The following FGD1 variants were observed in gnomAD, a reference collection of about 807,000 sequenced individuals.
The protein encoded by FGD1 is FYVE, RhoGEF and PH domain-containing protein 1.
A neutral mutation model predicts 65.0 loss-of-function variants in FGD1; 12 were observed. The ratio of observed to expected loss-of-function variants is 0.18; its 90% CI spans 0.12 to 0.30. The LOEUF is 0.30. Ranked by LOEUF, FGD1 falls within the 10% of genes least tolerant of loss-of-function variation. The pLI is 1.00. For missense variants in FGD1, 542 were observed against 837.6 expected, an observed-to-expected ratio of 0.65 and a Z score of 4.36; for synonymous variants, 333 against 343.9, an observed-to-expected ratio of 0.97 and a Z score of 0.35.
At position 54,484,065 on chromosome X, in the gene FGD1, G is replaced by C. The variant is rs780948878; in HGVS notation, c.307+11061C>G. Among the ~76,000 whole-genome samples, 5 of 111,917 alleles carry C rather than the reference G, an allele frequency of 4.5e-5. No homozygotes were observed. The South Asian group carries it at 1.9e-3, about 42-fold the overall frequency. On this transcript the variant is annotated intron_variant, in intron 1 of 17. Coordinates refer to ENST00000375135, the MANE Select transcript of FGD1 (RefSeq NM_004463.3). ...GTGAAACTCCTGAGCACAGGGACAAGGAAGGCCTAGCTCAGGAACATTTCC... is the reference window on the plus strand; with the variant it reads ...GTGAAACTCCTGAGCACAGGGACAACGAAGGCCTAGCTCAGGAACATTTCC...
At chrX:54,485,167 T>G (rs1923242023) in intron 1 of FGD1, among the ~76,000 whole-genome samples, 1 of 111,899 alleles carries the variant, frequency 8.9e-6, no homozygotes, top group South Asian at 3.8e-4. Flanking sequence ...CCTAGTGGAC[T>G]AGGAACCAAA....
At chrX:54,474,508 G>A (rs757373460) in intron 1 of FGD1, among the ~76,000 whole-genome samples, 5 of 112,665 alleles carry the variant, frequency 4.4e-5, no homozygotes, top group East Asian at 5.7e-4. Context: ...CAGGCCGAGC[G>A]CCCCTCCCCA....
intron 1 of FGD1, among the ~76,000 whole-genome samples, chrX:54,494,544 T>C (rs1747145320): frequency 9.2e-6 from 1 of 109,063 alleles, no homozygotes; most frequent in Non-Finnish European, 1.9e-5. Context: ...CCACAGACTT[T>C]GGACACAAAC....
At chrX:54,452,266 CAAAA>C (rs776104292) in intron 12 of FGD1, among the ~76,000 whole-genome samples, 5 of 28,823 alleles carry the variant, frequency 1.7e-4, no homozygotes, top group Non-Finnish European at 2.8e-4. Context: ...GACCCTATCT[CAAAA>C]AAAAAAAAAA....
chrX:54,460,147 A>C (rs1187665765), intron 8 of FGD1, among the ~76,000 whole-genome samples: 1 of 82,540 alleles, frequency 1.2e-5, no homozygotes, highest in Non-Finnish European at 2.1e-5. Flanking sequence ...TAAAAATAAT[A>C]AAAAAAAATA....
chrX:54,482,104 C>T (rs1923154616), intron 1 of FGD1, among the ~76,000 whole-genome samples: 1 of 112,043 alleles, frequency 8.9e-6, no homozygotes, highest in Non-Finnish European at 1.9e-5. Context: ...GTAACACATA[C>T]AGACCCAGAG....
intron 17 of FGD1, among the ~76,000 whole-genome samples, chrX:54,446,721 CTTT>C (rs1226487472): frequency 3.4e-5 from 3 of 87,660 alleles, no homozygotes; most frequent in Non-Finnish European, 2.2e-5. Context: ...TATCTGCATA[CTTT>C]TTTTTTTTTT....
intron 1 of FGD1, among the ~76,000 whole-genome samples, chrX:54,486,530 G>A (rs984325691): frequency 3.6e-5 from 4 of 111,743 alleles, no homozygotes; most frequent in Non-Finnish European, 7.6e-5. Flanking sequence ...ACAGGCATGA[G>A]CCACTGCGCC....
At chrX:54,465,079 G>A (rs1017894686) in intron 8 of FGD1, among the ~76,000 whole-genome samples, 2 of 107,357 alleles carry the variant, frequency 1.9e-5, no homozygotes, top group African/African-American at 3.4e-5. Context: ...TTGGGGTCTC[G>A]ATCTAGGAAA....
Position 54,448,987 on chromosome X carries a change from A to T in FGD1, c.2275-20T>A. 8.3e-7 allele frequency: 1 copy of T among 1,207,745 alleles called. No homozygotes were observed. Among genetic ancestry groups the T allele is most frequent in the Non-Finnish European group, 1.1e-6 (1 of 892,949 alleles). On this transcript the variant is annotated intron_variant, in intron 15 of 17. Transcript: ENST00000375135. ...AACCACCTGGGGTGGCAAGTGGGCA[A>T]GAGTAGCCTGATTCCAGCGGGTCTT...
At position 54,495,420 on chromosome X, in the gene FGD1, G is replaced by C. The variant is rs1425448636; in HGVS notation, c.13C>G (p.Arg5Gly). 7.3e-5 allele frequency: 80 copies of C among 1,089,363 alleles called. No homozygotes were observed. Among genetic ancestry groups the C allele is most frequent in the Non-Finnish European group, 9.1e-5 (77 of 844,039 alleles). 89.8% of individuals were successfully genotyped at this position (1,089,363 alleles called of 1,213,427 possible). ...GAAGGCCCGGCGCCCCCCGGGGCTCGGTGGCCATGCATGGTCCGGGCCTGG... is the reference window on the plus strand; with the variant it reads ...GAAGGCCCGGCGCCCCCCGGGGCTCCGTGGCCATGCATGGTCCGGGCCTGG... MHGH[R>G]APGGAGPSEP... Residue 5 changes from arginine to glycine, a missense_variant, in exon 1 of 18, where the codon CGA becomes GGA. By Grantham distance (125) the Arg-to-Gly change is moderately radical. This residue lies in a region of FGD1 where 297 missense variants were observed against 326.8 expected (regional missense o/e 0.91). Transcript: ENST00000375135.
intron 8 of FGD1, among the ~76,000 whole-genome samples, chrX:54,456,932 C>T (rs12387123): frequency 0.15 from 16,986 of 110,467 alleles, 2,140 homozygotes; most frequent in African/African-American, 0.42. Flanking sequence ...CACCCGGCCT[C>T]GGGGCTTCTT....
intron 4 of FGD1, among the ~76,000 whole-genome samples, chrX:54,469,144 T>C (rs1922825663): frequency 9.0e-6 from 1 of 111,708 alleles, no homozygotes; most frequent in Non-Finnish European, 1.9e-5. Context: ...CAGCAGAGTG[T>C]AGTGGTTAAG....
chrX:54,489,382 G>C (rs1923364562), intron 1 of FGD1, among the ~76,000 whole-genome samples: 1 of 111,835 alleles, frequency 8.9e-6, no homozygotes, highest in Non-Finnish European at 1.9e-5. Context: ...AGGAGTTCGA[G>C]ACCAGCCTGG....
At chrX:54,471,536 G>C (rs973293611) in intron 1 of FGD1, 49 bp from the exon 2 acceptor site, 1 of 1,122,269 alleles carries the variant, frequency 8.9e-7, no homozygotes, top group African/African-American at 1.8e-5. Flanking sequence ...TTAACCCAAA[G>C]GGGACTGGGG....
At chrX:54,455,997 T>C (rs992192199) in intron 10 of FGD1, among the ~76,000 whole-genome samples, 1 of 112,525 alleles carries the variant, frequency 8.9e-6, no homozygotes, top group Non-Finnish European at 1.9e-5. Context: ...GCAAGGCTTA[T>C]TTGCCTCATC....
At chrX:54,471,751 G>A (rs1425497880) in intron 1 of FGD1, among the ~76,000 whole-genome samples, 1 of 111,701 alleles carries the variant, frequency 9.0e-6, no homozygotes, top group African/African-American at 3.3e-5. Context: ...TCAGCAGGCA[G>A]TATCACTAGG....
chrX:54,451,291 C>CT (rs1175563386), intron 12 of FGD1, among the ~76,000 whole-genome samples: 25 of 102,316 alleles, frequency 2.4e-4, no homozygotes, highest in Admixed American at 3.2e-4. Context: ...TGACTGTATT[C>CT]TTTTTTTTTT....
chrX:54,472,988 A>C (rs990451075), intron 1 of FGD1, among the ~76,000 whole-genome samples: 2 of 111,566 alleles, frequency 1.8e-5, no homozygotes, highest in Non-Finnish European at 3.8e-5. Flanking sequence ...TCAGTCATAG[A>C]AACACTTGGT....
Sources: allele counts gnomAD v4.1 joint callset (sites outside exome capture counted in the v4.1 genomes callset), GRCh38; gene constraint gnomAD v4.1.1; regional missense constraint gnomAD v4.1.1; transcripts MANE v1.5; gene names NCBI Gene and HGNC (gene_info 2026-07-23, HGNC 2026-07-21).